Variants in LRFN2 observed in about 807,000 individuals in gnomAD.
The protein encoded by LRFN2 is leucine rich repeat and fibronectin type III domain containing 2.
Under a neutral mutation model 37.3 loss-of-function variants are expected in LRFN2, and 18 were observed. That is an observed-to-expected ratio of 0.48 (90% confidence interval 0.33 to 0.72). LRFN2 has a LOEUF of 0.72. Ranked by LOEUF, LRFN2 falls within the 30% of genes least tolerant of loss-of-function variation. The pLI is 0.02. For missense variants in LRFN2, 1,006 were observed against 1,060.7 expected (o/e 0.95, Z 0.72); for synonymous variants, 556 against 466.6 (o/e 1.19, Z -2.47).
At chr6:40,518,128 CTCAGTTTCT>C (rs1185341731) in intron 1 of LRFN2, among the ~76,000 whole-genome samples, 1 of 152,170 alleles carries the variant, frequency 6.6e-6, no homozygotes, top group Non-Finnish European at 1.5e-5. Context: ...CCCTCTGGGC[CTCAGTTTCT>C]TCACTGTCAA....
chr6:40,428,185 C>T (rs1385340967), intron 2 of LRFN2, among the ~76,000 whole-genome samples: 1 of 152,200 alleles, frequency 6.6e-6, no homozygotes, highest in African/African-American at 2.4e-5. Flanking sequence ...ATTATTGCTG[C>T]TGTTGCTGCT....
intron 1 of LRFN2, among the ~76,000 whole-genome samples, chr6:40,540,781 C>T (rs946982938): frequency 9.9e-5 from 15 of 152,180 alleles, no homozygotes; most frequent in East Asian, 7.7e-4. Context: ...ACACACACCA[C>T]GGCCCCCAGA....
intron 1 of LRFN2, among the ~76,000 whole-genome samples, chr6:40,569,352 A>T (rs967704161): frequency 2.0e-5 from 3 of 152,154 alleles, no homozygotes; most frequent in African/African-American, 7.2e-5. Flanking sequence ...TAGGGCAGGG[A>T]TCATAAATGA....
At chr6:40,562,831 TCACTCACACACACACA>T (rs1767024306) in intron 1 of LRFN2, among the ~76,000 whole-genome samples, 1 of 144,048 alleles carries the variant, frequency 6.9e-6, no homozygotes, top group Non-Finnish European at 1.5e-5. Context: ...GTGCGTGCAC[TCACTCACACACACACA>T]CACACACACA....
chr6:40,427,368 T>C (rs1009192223), intron 2 of LRFN2, among the ~76,000 whole-genome samples: 2 of 152,246 alleles, frequency 1.3e-5, no homozygotes, highest in Admixed American at 6.5e-5. Context: ...CCAAATGTCC[T>C]GTATGACTGT....
chr6:40,435,014 C>CATAT (rs368583078), intron 1 of LRFN2, among the ~76,000 whole-genome samples: 625 of 47,864 alleles, frequency 0.013, 11 homozygotes, highest in Non-Finnish European at 0.017. Context: ...AATGGTTTTA[C>CATAT]ATATATATAT....
chr6:40,556,958 C>T (rs1766902828), intron 1 of LRFN2, among the ~76,000 whole-genome samples: 1 of 152,142 alleles, frequency 6.6e-6, no homozygotes, highest in Non-Finnish European at 1.5e-5. Context: ...ACAGTGAGCT[C>T]CTTAAGAATT....
intron 2 of LRFN2, among the ~76,000 whole-genome samples, chr6:40,397,173 G>C (rs1045403519): frequency 6.6e-6 from 1 of 152,166 alleles, no homozygotes; most frequent in African/African-American, 2.4e-5. Context: ...GTGTCCCCCT[G>C]TCCACCTCAT....
intron 1 of LRFN2, among the ~76,000 whole-genome samples, chr6:40,574,794 T>A (rs1328351019): frequency 6.6e-6 from 1 of 151,948 alleles, no homozygotes; most frequent in Non-Finnish European, 1.5e-5. Context: ...GCCACGGAAG[T>A]GAAGATGTGC....
chr6:40,515,112 T>C (rs577064838), intron 1 of LRFN2, among the ~76,000 whole-genome samples: 1 of 152,210 alleles, frequency 6.6e-6, no homozygotes, highest in African/African-American at 2.4e-5. Flanking sequence ...TGAGTTTATT[T>C]TTACTGTAGT....
chr6:40,435,828 G>A lies in LRFN2; in HGVS notation c.-18-2697C>T, dbSNP rs553252505. Among the ~76,000 whole-genome samples the A allele has an allele frequency of 8.3e-4, 127 of 152,206 alleles. 1 individual carries two copies. The highest frequency in any genetic ancestry group is 2.8e-3 in the African/African-American group (118 of 41,538). ...AGCTTATTTTTTTTAAAAAAGATAC[G>A]TAATATATTGAAAAATCTATTCCTA... On this transcript the variant is annotated intron_variant, in intron 1 of 2. Transcript: ENST00000338305.
chr6:40,422,478 C>A (rs2113815395), intron 2 of LRFN2, among the ~76,000 whole-genome samples: 1 of 151,514 alleles, frequency 6.6e-6, no homozygotes, highest in East Asian at 1.9e-4. Flanking sequence ...TCAAGGGGTT[C>A]CAAAACACAG....
At chr6:40,489,196 T>A (rs1313043072) in intron 1 of LRFN2, among the ~76,000 whole-genome samples, 1 of 152,102 alleles carries the variant, frequency 6.6e-6, no homozygotes, top group Non-Finnish European at 1.5e-5. Context: ...TGCTGTTGCT[T>A]TAGTGTATTT....
intron 1 of LRFN2, among the ~76,000 whole-genome samples, chr6:40,522,303 A>G (rs1477057937): frequency 6.6e-6 from 1 of 152,254 alleles, no homozygotes; most frequent in Non-Finnish European, 1.5e-5. Flanking sequence ...GGTGGACAAC[A>G]GCAAGGAAGT....
Position 40,584,024 on chromosome 6 carries a change from G to C in LRFN2, c.-19+2917C>G, listed in dbSNP as rs537586716. Among the ~76,000 whole-genome samples, 7 of 152,330 alleles carry C rather than the reference G, an allele frequency of 4.6e-5. No individual in the cohort carries two copies. The South Asian group carries it at 1.0e-3, about 23-fold the overall frequency. On this transcript the variant is annotated intron_variant, in intron 1 of 2. Transcript: ENST00000338305. ...AAACAAGAGAAAGGGAGGGAAGCAG[G>C]TGCCAGGGCCCCAGAGGTGAAATTT...
intron 1 of LRFN2, among the ~76,000 whole-genome samples, chr6:40,551,139 C>T (rs889723588): frequency 3.3e-5 from 5 of 152,108 alleles, no homozygotes; most frequent in African/African-American, 1.2e-4. Context: ...GAGACTAGTC[C>T]AGAGGAACAT....
intron 1 of LRFN2, among the ~76,000 whole-genome samples, chr6:40,569,569 G>A (rs1767151220): frequency 6.6e-6 from 1 of 152,186 alleles, no homozygotes; most frequent in Admixed American, 6.5e-5. Flanking sequence ...GCGGCCAGGT[G>A]TAATGCCGCA....
chr6:40,577,791 AT>A (rs10711457), intron 1 of LRFN2, among the ~76,000 whole-genome samples: 8,038 of 123,398 alleles, frequency 0.065, 268 homozygotes, highest in African/African-American at 0.074. Flanking sequence ...AAAGGAAAAA[AT>A]AAATAAATAA....
intron 1 of LRFN2, among the ~76,000 whole-genome samples, chr6:40,495,563 C>A (rs529847984): frequency 6.6e-6 from 1 of 152,274 alleles, no homozygotes; most frequent in Non-Finnish European, 1.5e-5. Flanking sequence ...TCATCTTGTC[C>A]ACTCTCCTCA....
Sources: allele counts gnomAD v4.1 joint callset (sites outside exome capture counted in the v4.1 genomes callset), GRCh38; gene constraint gnomAD v4.1.1; transcripts MANE v1.5; gene names NCBI Gene and HGNC (gene_info 2026-07-23, HGNC 2026-07-21).